Variants in XKR6 observed in about 807,000 individuals in gnomAD.
The protein encoded by XKR6 is XK-related protein 6.
Under a neutral mutation model 56.7 loss-of-function variants are expected in XKR6, and 22 were observed. The ratio of observed to expected loss-of-function variants is 0.39; its 90% confidence interval spans 0.28 to 0.55. The LOEUF (loss-of-function observed/expected upper bound fraction) is 0.55, where lower values mean the gene tolerates loss of function less well. XKR6 is among the 20% of genes least tolerant of loss of function. The pLI, the probability that XKR6 is intolerant of heterozygous loss-of-function variation, is 0.66. For synonymous variants in XKR6, 524 were observed against 387.8 expected, an observed-to-expected ratio of 1.35 and a Z score of -4.13; for missense variants, 852 against 889.0, an observed-to-expected ratio of 0.96 and a Z score of 0.53.
intron 1 of XKR6, among the ~76,000 whole-genome samples, chr8:11,155,822 T>C (rs543388403): frequency 3.0e-4 from 45 of 152,326 alleles, no homozygotes; most frequent in Admixed American, 1.3e-3. Flanking sequence ...CATGATCTTC[T>C]GTCATCAATG....
chr8:11,165,737 C>G (rs149026871), intron 1 of XKR6, among the ~76,000 whole-genome samples: 5 of 152,148 alleles, frequency 3.3e-5, no homozygotes, highest in African/African-American at 1.2e-4. Flanking sequence ...CAAGGAACAC[C>G]AGAAAGACAC....
chr8:10,938,262 C>T (rs1030860787), intron 1 of XKR6, among the ~76,000 whole-genome samples: 2 of 152,168 alleles, frequency 1.3e-5, no homozygotes, highest in Non-Finnish European at 1.5e-5. Context: ...CTTCGGCTCG[C>T]GCACGGTGCG....
intron 1 of XKR6, among the ~76,000 whole-genome samples, chr8:11,092,048 C>A (rs957621385): frequency 2.0e-5 from 3 of 152,212 alleles, no homozygotes; most frequent in African/African-American, 4.8e-5. Flanking sequence ...GTCAAAGGTA[C>A]AACTCCATTC....
At chr8:10,977,158 G>C (rs1294119771) in intron 1 of XKR6, among the ~76,000 whole-genome samples, 2 of 152,112 alleles carry the variant, frequency 1.3e-5, no homozygotes, top group African/African-American at 2.4e-5. Context: ...GCAGCCTCAA[G>C]ACCTCCCCAG....
At chr8:11,058,552 C>T (rs1325352381) in intron 1 of XKR6, among the ~76,000 whole-genome samples, 1 of 152,150 alleles carries the variant, frequency 6.6e-6, no homozygotes, top group Non-Finnish European at 1.5e-5. Flanking sequence ...ATGAATGAAG[C>T]TGGAAGCCAT....
At chr8:10,918,907 A>T (rs767225395) in intron 2 of XKR6, among the ~76,000 whole-genome samples, 1 of 152,088 alleles carries the variant, frequency 6.6e-6, no homozygotes, top group African/African-American at 2.4e-5. Flanking sequence ...TCTCCATCCC[A>T]TAACCTCACA....
chr8:11,100,128 T>G (rs1798416233), intron 1 of XKR6, among the ~76,000 whole-genome samples: 1 of 152,150 alleles, frequency 6.6e-6, no homozygotes, highest in Non-Finnish European at 1.5e-5. Context: ...CTCAGCTCAC[T>G]GCAGTCTCGA....
intron 1 of XKR6, among the ~76,000 whole-genome samples, chr8:10,934,793 A>C (rs1457081207): frequency 1.7e-4 from 25 of 149,404 alleles, no homozygotes; most frequent in Middle Eastern, 3.4e-3. Flanking sequence ...CTGCTGGATT[A>C]GGTTTGCCAG....
intron 1 of XKR6, among the ~76,000 whole-genome samples, chr8:10,988,577 C>G (rs988664418): frequency 4.6e-5 from 7 of 152,138 alleles, no homozygotes; most frequent in African/African-American, 1.7e-4. Context: ...AAGGTCCACA[C>G]AGAAACGAGA....
intron 1 of XKR6, among the ~76,000 whole-genome samples, chr8:10,938,793 C>A (rs1382663680): frequency 6.6e-6 from 1 of 152,132 alleles, no homozygotes; most frequent in Non-Finnish European, 1.5e-5. Context: ...TCCGCGTATG[C>A]ACTGAAACTC....
rs143872915 is a variant in XKR6, at chr8:10,982,834, C to T, written c.765-58004G>A. On this transcript the variant is annotated intron_variant, in intron 1 of 2. Coordinates refer to ENST00000416569, the MANE Select transcript of XKR6 (RefSeq NM_173683.4). The stretch of plus-strand genomic sequence containing the variant: ...CAAGGACAAGAACGTATTCAGAGAG[C>T]GCAGCCCCAGGGAGGCATGGCTTGG... Among the ~76,000 whole-genome samples, 1,244 of 152,228 alleles carry T rather than the reference C, an allele frequency of 8.2e-3. 18 individuals are homozygous for T. Among genetic ancestry groups the T allele is most frequent in the African/African-American group, 0.029 (1,195 of 41,534 alleles).
At chr8:11,078,154 C>A (rs1270755054) in intron 1 of XKR6, among the ~76,000 whole-genome samples, 1 of 152,186 alleles carries the variant, frequency 6.6e-6, no homozygotes, top group Non-Finnish European at 1.5e-5. Context: ...ACTGGGAAGA[C>A]AGACCTATTT....
chr8:11,117,874 A>C (rs182026389), intron 1 of XKR6, among the ~76,000 whole-genome samples: 2 of 152,272 alleles, frequency 1.3e-5, no homozygotes, highest in African/African-American at 4.8e-5. Context: ...GGAAAACAAG[A>C]CCAATAAATA....
intron 1 of XKR6, among the ~76,000 whole-genome samples, chr8:11,048,351 G>C (rs1799461368): frequency 6.6e-6 from 1 of 152,122 alleles, no homozygotes; most frequent in Non-Finnish European, 1.5e-5. Flanking sequence ...TCTCGCCAGG[G>C]GGAGGGAAAC....
At chr8:10,944,721 C>G (rs183033897) in intron 1 of XKR6, among the ~76,000 whole-genome samples, 1 of 152,196 alleles carries the variant, frequency 6.6e-6, no homozygotes, top group African/African-American at 2.4e-5. Context: ...CCACCCTGCA[C>G]ACACCCTGCC....
intron 1 of XKR6, among the ~76,000 whole-genome samples, chr8:11,186,548 A>G (rs1166886150): frequency 2.6e-5 from 4 of 152,002 alleles, no homozygotes; most frequent in Admixed American, 6.6e-5. Context: ...CAGCTCATCT[A>G]TTTTTAATTT....
In XKR6 at chr8:10,993,387, G is replaced by C. The variant is rs538276667; in HGVS notation, c.765-68557C>G. On this transcript the variant is annotated intron_variant, in intron 1 of 2. Coordinates refer to ENST00000416569, the MANE Select transcript of XKR6 (RefSeq NM_173683.4). ...ATAGAAGGAAGAAAGGAAAGAAAGC[G>C]GGTGGGAAGAGCTGGTGAGGAGGGA... Among the ~76,000 whole-genome samples, 16 of 152,372 alleles carry C rather than the reference G, an allele frequency of 1.1e-4. No homozygotes were observed. The South Asian group carries it at 2.3e-3, about 22-fold the overall frequency.
intron 1 of XKR6, among the ~76,000 whole-genome samples, chr8:11,144,513 C>G (rs116678068): frequency 0.052 from 7,859 of 151,924 alleles, 257 homozygotes; most frequent in South Asian, 0.11. Flanking sequence ...GAGACCAGGG[C>G]GCAGGCACAG....
chr8:10,923,591 G>C (rs1218382702), intron 2 of XKR6, among the ~76,000 whole-genome samples: 3 of 152,240 alleles, frequency 2.0e-5, no homozygotes, highest in African/African-American at 7.2e-5. Context: ...CCTACAGAGG[G>C]CCAGCTTGGA....
Sources: gnomAD v4.1 joint callset for allele counts (sites outside exome capture counted in the v4.1 genomes callset) on GRCh38, gnomAD v4.1.1 for gene constraint, MANE v1.5 for transcripts, NCBI Gene and HGNC (gene_info 2026-07-23, HGNC 2026-07-21) for gene names.